The following GOLM2 variants were observed in gnomAD, a reference collection of about 807,000 sequenced individuals.
GOLM2 encodes golgi membrane protein 2, also known as protein GOLM2.
GOLM2 carries 26 observed loss-of-function variants against 55.9 expected under a neutral mutation model. The ratio of observed to expected loss-of-function variants is 0.47; its 90% CI spans 0.34 to 0.65. The LOEUF (loss-of-function observed/expected upper bound fraction) is 0.65. Among genes scored for constraint, GOLM2 ranks in the 30% least tolerant of loss-of-function variants. The pLI is 0.01. For synonymous variants in GOLM2, 165 were observed against 194.6 expected, an observed-to-expected ratio of 0.85 and a Z score of 1.27; for missense variants, 486 against 531.8, an observed-to-expected ratio of 0.91 and a Z score of 0.85.
At chr15:44,327,216 G>T (rs536042201) in intron 2 of GOLM2, among the ~76,000 whole-genome samples, 1 of 151,386 alleles carries the variant, frequency 6.6e-6, no homozygotes, top group East Asian at 2.0e-4. Context: ...CTCCCAAAGT[G>T]TTGGGATTAC....
At chr15:44,391,474 G>A (rs902498168) in intron 8 of GOLM2, among the ~76,000 whole-genome samples, 4 of 150,114 alleles carry the variant, frequency 2.7e-5, no homozygotes, top group Non-Finnish European at 5.9e-5. Context: ...CCAAGATTGC[G>A]CCACTGTACT....
At position 44,353,927 on chromosome 15, in the gene GOLM2, G is replaced by C. The variant is rs140083179; in HGVS notation, c.802+15610G>C. On this transcript the variant is annotated intron_variant, in intron 6 of 9. Coordinates refer to ENST00000299957, the MANE Select transcript of GOLM2 (RefSeq NM_138423.4). The stretch of plus-strand genomic sequence containing the variant: ...TCTATGTTTTTAAACACCTGAAAGA[G>C]TATAATTGGGTTTTAACACAAAAGA... 2.0e-3 allele frequency among the ~76,000 whole-genome samples: 306 copies of C among 152,186 alleles called. 2 individuals carry two copies. The highest frequency in any genetic ancestry group is 6.8e-3 in the African/African-American group (282 of 41,534).
At chr15:44,356,998 C>T (rs991078565) in intron 6 of GOLM2, among the ~76,000 whole-genome samples, 9 of 152,082 alleles carry the variant, frequency 5.9e-5, no homozygotes, top group African/African-American at 2.2e-4. Context: ...TGGCAAAAAC[C>T]CATCTCTATA....
At chr15:44,335,518 C>G (rs1272757843) in intron 4 of GOLM2, among the ~76,000 whole-genome samples, 1 of 152,152 alleles carries the variant, frequency 6.6e-6, no homozygotes, top group African/African-American at 2.4e-5. Context: ...TTATCCATAT[C>G]TGGAAAAGAG....
intron 8 of GOLM2, among the ~76,000 whole-genome samples, chr15:44,386,209 G>T (rs995498137): frequency 2.9e-4 from 44 of 152,226 alleles, no homozygotes; most frequent in African/African-American, 1.1e-3. Flanking sequence ...GTTAGTTTTT[G>T]TATATGGTTT....
chr15:44,321,497 G>A (rs1197666162), intron 1 of GOLM2, among the ~76,000 whole-genome samples: 1 of 148,468 alleles, frequency 6.7e-6, no homozygotes, highest in Non-Finnish European at 1.5e-5. Flanking sequence ...GGGGGTGGGG[G>A]GATAGCATGA....
chr15:44,389,522 T>C (rs114952264), intron 8 of GOLM2, among the ~76,000 whole-genome samples: 1,799 of 152,280 alleles, frequency 0.012, 46 homozygotes, highest in African/African-American at 0.041. Flanking sequence ...AGTGAGACCC[T>C]GTCTCAAATA....
intron 8 of GOLM2, among the ~76,000 whole-genome samples, chr15:44,384,589 A>C (rs2079428431): frequency 6.6e-6 from 1 of 152,164 alleles, no homozygotes; most frequent in Non-Finnish European, 1.5e-5. Context: ...TACTAAAAAT[A>C]CAAAAAAATT....
intron 6 of GOLM2, among the ~76,000 whole-genome samples, chr15:44,364,691 T>C (rs1270152103): frequency 6.6e-6 from 1 of 150,402 alleles, no homozygotes; most frequent in East Asian, 1.9e-4. Flanking sequence ...TGAGATCCTG[T>C]CTCAAAAAAA....
intron 1 of GOLM2, among the ~76,000 whole-genome samples, chr15:44,291,848 A>G (rs1221214808): frequency 6.6e-6 from 1 of 152,206 alleles, no homozygotes; most frequent in Non-Finnish European, 1.5e-5. Context: ...GAGGAGAAAA[A>G]AATGAAAACC....
chr15:44,343,839 G>GA (rs899648230), intron 6 of GOLM2, among the ~76,000 whole-genome samples: 2 of 147,564 alleles, frequency 1.4e-5, no homozygotes, highest in South Asian at 4.3e-4. Flanking sequence ...AAAAAAAAAA[G>GA]AAAAAAATAT....
At position 44,380,790 on chromosome 15, in the gene GOLM2, T is replaced by C; in HGVS notation, c.902-16T>C. 1 of 1,435,710 alleles carries C rather than the reference T, an allele frequency of 7.0e-7. No individual in the cohort carries two copies. 88.9% of individuals were successfully genotyped at this position (1,435,710 alleles called of 1,614,324 possible). On this transcript the variant is annotated splice_polypyrimidine_tract_variant and intron_variant, in intron 7 of 9. Coordinates refer to ENST00000299957, the MANE Select transcript of GOLM2 (RefSeq NM_138423.4). ...ATTAAATTATATTCTTTTAATTTGA[T>C]GTTTTTATGCCACAGATTCACACAT...
chr15:44,396,320 T>C (rs2079526552), intron 8 of GOLM2, among the ~76,000 whole-genome samples: 1 of 151,976 alleles, frequency 6.6e-6, no homozygotes, highest in Non-Finnish European at 1.5e-5. Context: ...ATTGCAACAC[T>C]GCACTCCAGC....
intron 6 of GOLM2, chr15:44,348,835 A>G: frequency 6.4e-6 from 1 of 156,436 alleles, no homozygotes; most frequent in Non-Finnish European, 1.4e-5. Flanking sequence ...TGGGAGATTG[A>G]GGCTGCAGTG....
intron 3 of GOLM2, among the ~76,000 whole-genome samples, chr15:44,329,342 A>G (rs949183273): frequency 7.9e-5 from 12 of 152,180 alleles, no homozygotes; most frequent in Non-Finnish European, 1.2e-4. Flanking sequence ...AGATTTGTAC[A>G]CCAAAAGTTA....
Position 44,289,256 on chromosome 15 carries a change from C to T in GOLM2, c.227C>T (p.Thr76Met), listed in dbSNP as rs762822512. Residue 76 changes from threonine (T) to methionine (M), a missense_variant, in exon 1 of 10, where the codon ACG becomes ATG. Thr to Met is a moderately conservative substitution (Grantham distance 81). Coordinates refer to ENST00000299957, the MANE Select transcript of GOLM2 (RefSeq NM_138423.4). The surrounding 1 kb of genome is among the most constrained non-coding windows in gnomAD (Gnocchi z 4.8). ...TCGGACCTCTTGCTGTTGGTGGACA[C>T]GCACAAGAAACAGATCGACCAGAAG... ...RNSDLLLLVD[T>M]HKKQIDQKEA... is the part of the protein sequence containing the mutation. 7 of 1,614,090 alleles carry T rather than the reference C, an allele frequency of 4.3e-6. 1 individual carries two copies. The East Asian group carries it at 1.1e-4, about 26-fold the overall frequency.
chr15:44,376,109 T>C (rs192237052), intron 6 of GOLM2, among the ~76,000 whole-genome samples: 77 of 152,322 alleles, frequency 5.1e-4, no homozygotes, highest in African/African-American at 1.8e-3. Context: ...GGCGCATGCC[T>C]ATAATCCCAG....
chr15:44,382,186 AT>A (rs2079407719), intron 8 of GOLM2: 1 of 152,224 alleles, frequency 6.6e-6, no homozygotes, highest in African/African-American at 2.4e-5. Context: ...TAATGAAAAA[AT>A]ATTTCCTCAA....
Position 44,415,505 on chromosome 15 carries a change from A to C in GOLM2, c.*2099A>C, listed in dbSNP as rs1868709419. ...TTAGCAGTCTAGACATTTTATAAAC[A>C]GAAATCTTGGACCAATTGATAATAT... On this transcript the variant is annotated 3_prime_UTR_variant, in exon 10 of 10. Coordinates refer to ENST00000299957, the MANE Select transcript of GOLM2 (RefSeq NM_138423.4). 1 of 152,674 alleles carries C rather than the reference A, an allele frequency of 6.5e-6. No homozygotes were observed. The highest frequency in any genetic ancestry group is 1.5e-5 in the Non-Finnish European group (1 of 68,034). The allele number at this position is 152,674 out of a possible 1,614,324, so 9.5% of individuals were successfully genotyped here. A position where few individuals can be genotyped will look rare whatever the true frequency, so the allele number is the denominator to read the frequency against.
Sources: allele counts gnomAD v4.1 joint callset (sites outside exome capture counted in the v4.1 genomes callset), GRCh38; gene constraint gnomAD v4.1.1; non-coding constraint Gnocchi (gnomAD v3.1); transcripts MANE v1.5; gene names NCBI Gene and HGNC (gene_info 2026-07-23, HGNC 2026-07-21).